Variants in SPHKAP observed in about 807,000 individuals in gnomAD.
SPHKAP encodes A-kinase anchor protein SPHKAP.
SPHKAP carries 67 observed loss-of-function variants against 137.5 expected under a neutral mutation model. The observed-to-expected ratio is 0.49, with a 90% CI of 0.40 to 0.60. SPHKAP has a LOEUF of 0.60. SPHKAP is among the 20% of genes least tolerant of loss of function. The pLI, the probability that SPHKAP is intolerant of heterozygous loss-of-function variation, is 0.00. For synonymous variants in SPHKAP, 813 were observed against 785.3 expected (o/e 1.04, Z -0.59); for missense variants, 2,097 against 2,069.3 (o/e 1.01, Z -0.26).
chr2:228,103,875 C>T (rs1485947571), intron 3 of SPHKAP, among the ~76,000 whole-genome samples: 3 of 152,122 alleles, frequency 2.0e-5, no homozygotes, highest in Non-Finnish European at 4.4e-5. Flanking sequence ...ACATTCCACA[C>T]TGAAGTGTGT....
chr2:228,159,728 A>G (rs955831429), intron 1 of SPHKAP, among the ~76,000 whole-genome samples: 1 of 152,166 alleles, frequency 6.6e-6, no homozygotes, highest in African/African-American at 2.4e-5. Context: ...GGGACATATT[A>G]AGGTCATCTT....
chr2:228,095,776 G>C (rs1235041776), intron 3 of SPHKAP, among the ~76,000 whole-genome samples: 1 of 152,198 alleles, frequency 6.6e-6, no homozygotes, highest in African/African-American at 2.4e-5. Context: ...GTATTTGTTG[G>C]ATGGAGAACT....
At chr2:228,111,826 G>T (rs951169187) in intron 2 of SPHKAP, among the ~76,000 whole-genome samples, 1 of 151,960 alleles carries the variant, frequency 6.6e-6, no homozygotes, top group Non-Finnish European at 1.5e-5. Flanking sequence ...ACAGAAGAGG[G>T]CTGTCTTATA....
At chr2:228,083,696 G>T (rs1030796837) in intron 3 of SPHKAP, among the ~76,000 whole-genome samples, 3 of 152,120 alleles carry the variant, frequency 2.0e-5, no homozygotes, top group Non-Finnish European at 4.4e-5. Context: ...ATGCCCATCA[G>T]TGATAGACTG....
intron 1 of SPHKAP, among the ~76,000 whole-genome samples, chr2:228,147,164 T>G (rs967542145): frequency 7.2e-5 from 11 of 152,224 alleles, no homozygotes; most frequent in African/African-American, 2.4e-4. Context: ...CAGTGCTCCA[T>G]AAATGTGGTA....
intron 3 of SPHKAP, among the ~76,000 whole-genome samples, chr2:228,049,753 G>A (rs1359287763): frequency 1.3e-5 from 2 of 152,136 alleles, no homozygotes; most frequent in African/African-American, 2.4e-5. Flanking sequence ...GTGGTATTTG[G>A]TTTTATGTTC....
chr2:228,018,905 G>C lies in SPHKAP; in HGVS notation c.1949C>G (p.Thr650Ser), dbSNP rs1559350519. Residue 650 changes from threonine (T) to serine (S), a missense_variant, in exon 7 of 12, where the codon ACT (threonine) becomes AGT (serine). Physicochemically the swap from Thr to Ser is moderately conservative, Grantham distance 58. Coordinates refer to ENST00000392056, the MANE Select transcript of SPHKAP (RefSeq NM_001142644.2). ...LDSMNRRIMETASKSQTLCSE... is the reference protein window; with the variant it reads ...LDSMNRRIMESASKSQTLCSE... ...GCACAGGGTCTGAGACTTTGAAGCA[G>C]TTTCCATGATTCTCCTGTTCATGGA... is the stretch of plus-strand genomic sequence containing the variant. The C allele has an allele frequency of 1.2e-6, 2 of 1,614,190 alleles. No individual in the cohort carries two copies. The highest frequency in any genetic ancestry group is 1.7e-6 in the Non-Finnish European group (2 of 1,180,022).
At chr2:227,989,312 G>A (rs866063857) in intron 11 of SPHKAP, among the ~76,000 whole-genome samples, 16 of 152,132 alleles carry the variant, frequency 1.1e-4, no homozygotes, top group African/African-American at 3.1e-4. Context: ...TCATGTACCC[G>A]ATTTGCTCCT....
In SPHKAP at chr2:228,017,480, A is replaced by G; in HGVS notation, c.3374T>C (p.Ile1125Thr). Residue 1125 changes from isoleucine (I) to threonine (T), a missense_variant, in exon 7 of 12, where the codon ATC becomes ACC. By Grantham distance (89) the Ile-to-Thr change is moderately conservative (BLOSUM62 -1). Coordinates refer to ENST00000392056, the MANE Select transcript of SPHKAP (RefSeq NM_001142644.2). ...SVSKQSSCES[I>T]TDEFSRFMVN... ...CATGAACCTGGAAAACTCATCGGTG[A>G]TGCTCTCACAGCTCGACTGCTTGGA... 6.2e-7 allele frequency: 1 copy of G among 1,613,718 alleles called. No homozygotes were observed. The highest frequency in any genetic ancestry group is 1.3e-5 in the African/African-American group (1 of 75,020).
chr2:228,034,730 G>T (rs1217559673), intron 3 of SPHKAP, among the ~76,000 whole-genome samples: 1 of 152,192 alleles, frequency 6.6e-6, no homozygotes, highest in African/African-American at 2.4e-5. Context: ...TTCAACATAT[G>T]CAAATCAATG....
intron 3 of SPHKAP, among the ~76,000 whole-genome samples, chr2:228,040,244 G>A (rs973203336): frequency 2.4e-4 from 37 of 152,300 alleles, no homozygotes; most frequent in African/African-American, 8.7e-4. Flanking sequence ...GGATATGACA[G>A]CATCTCTTAA....
chr2:228,124,005 A>G (rs2106366126), intron 2 of SPHKAP, among the ~76,000 whole-genome samples: 1 of 152,156 alleles, frequency 6.6e-6, no homozygotes, highest in South Asian at 2.1e-4. Context: ...ACTGGCCATC[A>G]GAGAAATGCA....
At chr2:228,117,779 G>A (rs1698759053) in intron 2 of SPHKAP, among the ~76,000 whole-genome samples, 1 of 150,574 alleles carries the variant, frequency 6.6e-6, no homozygotes, top group East Asian at 2.0e-4. Flanking sequence ...TTAGTTAAAG[G>A]TATCCTAAGT....
intron 3 of SPHKAP, among the ~76,000 whole-genome samples, chr2:228,055,142 C>CAAAAAAAAAAAAAAAAAA (rs58091970): frequency 1.0e-3 from 63 of 61,282 alleles, no homozygotes; most frequent in African/African-American, 3.3e-3. Flanking sequence ...AACTCCACTC[C>CAAAAAAAAAAAAAAAAAA]AAAAAAAAAA....
chr2:228,071,114 T>C (rs895241165), intron 3 of SPHKAP, among the ~76,000 whole-genome samples: 1 of 152,188 alleles, frequency 6.6e-6, no homozygotes, highest in African/African-American at 2.4e-5. Flanking sequence ...GGTGTCTATA[T>C]TTTTTATCCT....
chr2:228,144,496 G>A (rs948636178), intron 1 of SPHKAP, among the ~76,000 whole-genome samples: 2 of 151,972 alleles, frequency 1.3e-5, no homozygotes, highest in Admixed American at 6.6e-5. Flanking sequence ...AATGTTAATA[G>A]CAGCTATCTT....
intron 3 of SPHKAP, among the ~76,000 whole-genome samples, chr2:228,099,621 G>A (rs1018255824): frequency 7.2e-5 from 11 of 152,164 alleles, no homozygotes; most frequent in Admixed American, 1.3e-4. Flanking sequence ...TGGGCAGTAC[G>A]GCCATTTTAA....
At chr2:228,092,603 C>T in intron 3 of SPHKAP, among the ~76,000 whole-genome samples, 2 of 141,326 alleles carry the variant, frequency 1.4e-5, no homozygotes. Context: ...TATGTATATA[C>T]ATATATATGT....
intron 2 of SPHKAP, among the ~76,000 whole-genome samples, chr2:228,123,835 T>G (rs1032665361): frequency 6.6e-6 from 1 of 152,204 alleles, no homozygotes; most frequent in African/African-American, 2.4e-5. Flanking sequence ...TCTACTTATC[T>G]GACAAAGGGC....
Sources: allele counts gnomAD v4.1 joint callset (sites outside exome capture counted in the v4.1 genomes callset), GRCh38; gene constraint gnomAD v4.1.1; transcripts MANE v1.5; gene names NCBI Gene and HGNC (gene_info 2026-07-23, HGNC 2026-07-21).